ZNF451: variants seen among roughly 807,000 people sequenced by gnomAD.
ZNF451 encodes E3 SUMO-protein ligase ZNF451.
Under a neutral mutation model 107.1 loss-of-function variants are expected in ZNF451, and 80 were observed. The ratio of observed to expected loss-of-function variants is 0.75; its 90% CI spans 0.62 to 0.90. The LOEUF (loss-of-function observed/expected upper bound fraction) is 0.90. Ranked by LOEUF, ZNF451 falls within the 40% of genes least tolerant of loss-of-function variation. The pLI is 0.00. For synonymous variants in ZNF451, 362 were observed against 406.5 expected (o/e 0.89, Z 1.32); for missense variants, 1,107 against 1,236.2 (o/e 0.90, Z 1.57).
chr6:57,115,387 T>G (rs948053391), intron 3 of ZNF451: 30 of 152,344 alleles, frequency 2.0e-4, no homozygotes, highest in African/African-American at 7.0e-4. Context: ...ATTTCTAGAC[T>G]TGGACTTTTT....
At chr6:57,152,164 T>C (rs1272953534) in intron 11 of ZNF451, 57 bp from the exon 12 acceptor site, 1 of 1,534,482 alleles carries the variant, frequency 6.5e-7, no homozygotes, top group East Asian at 2.3e-5. Context: ...CTTGATAAAA[T>C]TTTTGGCCTT....
At chr6:57,123,238 A>G (rs969448714) in intron 3 of ZNF451, among the ~76,000 whole-genome samples, 2 of 152,238 alleles carry the variant, frequency 1.3e-5, no homozygotes, top group African/African-American at 4.8e-5. Flanking sequence ...CAGAACAGCA[A>G]AGACATGGAA....
chr6:57,090,300 C>T, intron 1 of ZNF451, 26 bp downstream of exon 1: 1 of 1,609,736 alleles, frequency 6.2e-7, no homozygotes, highest in Non-Finnish European at 8.5e-7. Context: ...AGGGTCCTGG[C>T]GTTCTCAGAG....
chr6:57,094,844 T>C (rs1829212118), intron 2 of ZNF451, among the ~76,000 whole-genome samples: 1 of 152,192 alleles, frequency 6.6e-6, no homozygotes, highest in Non-Finnish European at 1.5e-5. Context: ...CTCACAATTA[T>C]AGTGCCTGTA....
At chr6:57,105,061 A>C (rs1177260607) in intron 3 of ZNF451, 1 of 985,266 alleles carries the variant, frequency 1.0e-6, no homozygotes, top group Non-Finnish European at 1.2e-6. Context: ...ACTTAAAGTG[A>C]GGATTTGGTC....
intron 13 of ZNF451, among the ~76,000 whole-genome samples, chr6:57,156,454 G>T (rs992462774): frequency 2.0e-5 from 3 of 152,046 alleles, no homozygotes; most frequent in African/African-American, 7.2e-5. Context: ...TATAATTTTT[G>T]TTACTAAAGA....
chr6:57,135,922 G>A (rs1831405294), intron 7 of ZNF451, among the ~76,000 whole-genome samples: 1 of 152,152 alleles, frequency 6.6e-6, no homozygotes, highest in African/African-American at 2.4e-5. Context: ...TCTATCTAGA[G>A]CTATACCTGG....
At chr6:57,102,171 GATCTAC>G in intron 3 of ZNF451, 2 of 1,438,752 alleles carry the variant, frequency 1.4e-6, no homozygotes, top group Non-Finnish European at 1.8e-6. Context: ...GTACAAATAG[GATCTAC>G]AGGTAGGAGA....
intron 10 of ZNF451, among the ~76,000 whole-genome samples, chr6:57,149,897 G>A (rs1207919422): frequency 2.0e-5 from 3 of 151,942 alleles, no homozygotes; most frequent in Non-Finnish European, 4.4e-5. Context: ...TAGAATTACC[G>A]AGAAGTTAGA....
chr6:57,131,782 G>A (rs1025095572), intron 5 of ZNF451, among the ~76,000 whole-genome samples: 2 of 152,140 alleles, frequency 1.3e-5, no homozygotes, highest in African/African-American at 4.8e-5. Context: ...GCTTTTTGTT[G>A]TATGAAATAT....
chr6:57,103,750 G>A (rs760064214), intron 3 of ZNF451: 11 of 985,022 alleles, frequency 1.1e-5, no homozygotes, highest in Admixed American at 6.2e-5. Context: ...ACTGTTTTAC[G>A]GTTTATGTGG....
intron 3 of ZNF451, among the ~76,000 whole-genome samples, chr6:57,119,398 G>C (rs959303623): frequency 6.6e-6 from 1 of 152,070 alleles, no homozygotes; most frequent in Non-Finnish European, 1.5e-5. Context: ...GGTGGCACGC[G>C]CCTGCAATCT....
chr6:57,127,354 A>T (rs1195873498), intron 4 of ZNF451, among the ~76,000 whole-genome samples: 1 of 152,206 alleles, frequency 6.6e-6, no homozygotes, highest in Non-Finnish European at 1.5e-5. Context: ...AATTTTAAAA[A>T]ATGTATATAA....
At chr6:57,096,581 C>T (rs996470245) in intron 2 of ZNF451, among the ~76,000 whole-genome samples, 1 of 120,858 alleles carries the variant, frequency 8.3e-6, no homozygotes, top group South Asian at 2.7e-4. Flanking sequence ...GGAACTCTGC[C>T]TCTGTGTATT....
chr6:57,132,298 C>A (rs1476644579), intron 5 of ZNF451, among the ~76,000 whole-genome samples: 3 of 152,210 alleles, frequency 2.0e-5, no homozygotes, highest in Non-Finnish European at 4.4e-5. Context: ...TGCTTCCCTG[C>A]TTTCTTCATT....
intron 3 of ZNF451, chr6:57,124,409 C>G: frequency 1.4e-6 from 1 of 714,530 alleles, no homozygotes. Context: ...ATTTACCTCT[C>G]TCTCTCTCTC....
intron 2 of ZNF451, among the ~76,000 whole-genome samples, chr6:57,094,253 T>G (rs1028113290): frequency 2.0e-5 from 3 of 152,196 alleles, no homozygotes; most frequent in Non-Finnish European, 4.4e-5. Context: ...CTTCTGCCCC[T>G]AAATTGTGTG....
chr6:57,105,833 T>C (rs1251561538), intron 3 of ZNF451: 1 of 985,188 alleles, frequency 1.0e-6, no homozygotes, highest in Non-Finnish European at 1.2e-6. Flanking sequence ...GCTGACACTT[T>C]TATCTTTTTT....
chr6:57,167,699 T>G (rs1214579486), intron 14 of ZNF451, among the ~76,000 whole-genome samples: 3 of 152,146 alleles, frequency 2.0e-5, no homozygotes, highest in Non-Finnish European at 4.4e-5. Flanking sequence ...GAGAAGCTAG[T>G]GAAGGCCAAG....
Sources: allele counts gnomAD v4.1 joint callset (sites outside exome capture counted in the v4.1 genomes callset), GRCh38; gene constraint gnomAD v4.1.1; transcripts MANE v1.5; gene names NCBI Gene and HGNC (gene_info 2026-07-23, HGNC 2026-07-21).